NXPE2: variants seen among roughly 807,000 people sequenced by gnomAD.
The protein encoded by NXPE2 is neurexophilin and PC-esterase domain family member 2, also known as NXPE family member 2.
A neutral mutation model predicts 34.4 loss-of-function variants in NXPE2; 34 were observed. The observed-to-expected ratio is 0.99, with a 90% CI of 0.75 to 1.31. NXPE2 has a LOEUF of 1.31. NXPE2 is among the 40% of genes most tolerant of loss of function. NXPE2 has a pLI of 0.00. For missense variants in NXPE2, 649 were observed against 672.5 expected (o/e 0.97, Z 0.39); for synonymous variants, 235 against 231.3 (o/e 1.02, Z -0.15).
intron 3 of NXPE2, among the ~76,000 whole-genome samples, chr11:114,700,780 A>T (rs1269858631): frequency 1.3e-5 from 2 of 152,208 alleles, no homozygotes; most frequent in African/African-American, 4.8e-5. Context: ...TTCAAGCAAG[A>T]ATAGAGCATA....
the NXPE2 span, chr11:114,522,883 T>TA: frequency 6.2e-7 from 1 of 1,610,144 alleles, no homozygotes; most frequent in South Asian, 1.1e-5. Context: ...ACCTACTTTT[T>TA]ACAACTTTGG....
At chr11:114,673,234 T>C in the NXPE2 span, among the ~76,000 whole-genome samples, 2 of 151,262 alleles carry the variant, frequency 1.3e-5, no homozygotes, top group Non-Finnish European at 3.0e-5. Context: ...AATCAAGGTG[T>C]CAAAGAAGAA....
the NXPE2 span, among the ~76,000 whole-genome samples, chr11:114,633,394 T>C: frequency 6.9e-6 from 1 of 145,226 alleles, no homozygotes; most frequent in Non-Finnish European, 1.5e-5. Context: ...TATTATATAT[T>C]ATATATTATA....
the NXPE2 span, among the ~76,000 whole-genome samples, chr11:114,518,733 A>T: frequency 1.3e-5 from 2 of 152,200 alleles, no homozygotes; most frequent in East Asian, 3.9e-4. Flanking sequence ...TTGGGGAATA[A>T]AAAGGAAGCT....
the NXPE2 span, among the ~76,000 whole-genome samples, chr11:114,626,033 G>A: frequency 6.6e-6 from 1 of 152,170 alleles, no homozygotes; most frequent in African/African-American, 2.4e-5. Context: ...CTACGCCCAC[G>A]GAGTCTCACT....
chr11:114,579,997 C>G, the NXPE2 span: 4 of 714,142 alleles, frequency 5.6e-6, no homozygotes, highest in African/African-American at 5.3e-5. Flanking sequence ...GATAACAATG[C>G]CTTGTGAAAA....
the NXPE2 span, among the ~76,000 whole-genome samples, chr11:114,789,371 A>G: frequency 6.6e-6 from 1 of 152,356 alleles, no homozygotes; most frequent in African/African-American, 2.4e-5. Context: ...AACTCAAACC[A>G]TATGAAATTA....
At chr11:114,530,756 G>T in the NXPE2 span, 79 of 1,614,208 alleles carry the variant, frequency 4.9e-5, no homozygotes, top group Middle Eastern at 6.6e-4. Context: ...GTCTGGGTGG[G>T]ATCTGCTGAT....
the NXPE2 span, among the ~76,000 whole-genome samples, chr11:114,544,631 C>G: frequency 1.3e-5 from 2 of 152,032 alleles, no homozygotes; most frequent in Non-Finnish European, 2.9e-5. Flanking sequence ...TGGAAGAAAA[C>G]ACACATGAAA....
the NXPE2 span, among the ~76,000 whole-genome samples, chr11:114,650,834 G>T: frequency 1.4e-5 from 2 of 147,118 alleles, no homozygotes; most frequent in Non-Finnish European, 3.1e-5. Context: ...GGCTGGACCC[G>T]GAAAACAGAG....
chr11:114,802,762 C>T, the NXPE2 span, among the ~76,000 whole-genome samples: 9 of 151,900 alleles, frequency 5.9e-5, no homozygotes, highest in South Asian at 2.1e-4. Context: ...GACATGATGC[C>T]GTGGGGTTTT....
At chr11:114,789,538 A>T in the NXPE2 span, among the ~76,000 whole-genome samples, 1 of 151,866 alleles carries the variant, frequency 6.6e-6, no homozygotes, top group Non-Finnish European at 1.5e-5. Context: ...ACATCATCTC[A>T]TTCAGTTTAA....
At chr11:114,722,134 C>T in the NXPE2 span, among the ~76,000 whole-genome samples, 1 of 152,204 alleles carries the variant, frequency 6.6e-6, no homozygotes, top group South Asian at 2.1e-4. Context: ...TTGTTTGACT[C>T]TGTGTCCCCA....
At chr11:114,582,549 G>A in the NXPE2 span, 6 of 1,614,052 alleles carry the variant, frequency 3.7e-6, no homozygotes, top group South Asian at 5.5e-5. Flanking sequence ...ACTCCAGAGA[G>A]CTGACACCCC....
chr11:114,536,778 A>T, the NXPE2 span, among the ~76,000 whole-genome samples: 3 of 152,220 alleles, frequency 2.0e-5, no homozygotes, highest in Admixed American at 6.5e-5. Flanking sequence ...TCTGAAATTG[A>T]GGCAATAATT....
At chr11:114,634,352 T>G in the NXPE2 span, among the ~76,000 whole-genome samples, 6 of 152,108 alleles carry the variant, frequency 3.9e-5, no homozygotes, top group African/African-American at 1.4e-4. Context: ...CATTGTAGAT[T>G]CTGGATATTA....
chr11:114,718,716 A>T, the NXPE2 span, among the ~76,000 whole-genome samples: 1 of 152,168 alleles, frequency 6.6e-6, no homozygotes, highest in Non-Finnish European at 1.5e-5. Flanking sequence ...GGAAAGAATG[A>T]CTGTAAATGT....
chr11:114,523,067 C>T, the NXPE2 span: 1 of 1,613,226 alleles, frequency 6.2e-7, no homozygotes, highest in Non-Finnish European at 8.5e-7. Flanking sequence ...TCCAACTTGG[C>T]ATGTCTCTTC....
chr11:114,758,096 T>C, the NXPE2 span, among the ~76,000 whole-genome samples: 1 of 152,188 alleles, frequency 6.6e-6, no homozygotes, highest in African/African-American at 2.4e-5. Flanking sequence ...GTGAATTCTA[T>C]GGAGAAATGG....
Sources: allele counts gnomAD v4.1 joint callset (sites outside exome capture counted in the v4.1 genomes callset), GRCh38; gene constraint gnomAD v4.1.1; transcripts MANE v1.5; gene names NCBI Gene and HGNC (gene_info 2026-07-23, HGNC 2026-07-21).